Variants in SCHIP1 observed in about 807,000 individuals in gnomAD.
SCHIP1 encodes the protein schwannomin-interacting protein 1.
Under a neutral mutation model 29.7 loss-of-function variants are expected in SCHIP1, and 8 were observed. The observed-to-expected ratio is 0.27, with a 90% CI of 0.16 to 0.49. SCHIP1 has a LOEUF of 0.49. Ranked by LOEUF, SCHIP1 falls within the 20% of genes least tolerant of loss-of-function variation. SCHIP1 has a pLI of 0.99. For missense variants in SCHIP1, 193 were observed against 294.6 expected (o/e 0.66, Z 2.52); for synonymous variants, 76 against 94.9 (o/e 0.80, Z 1.16).
the SCHIP1 span, among the ~76,000 whole-genome samples, chr3:159,749,850 T>C: frequency 6.6e-6 from 1 of 152,354 alleles, no homozygotes; most frequent in South Asian, 2.1e-4. Context: ...GAACGTATTA[T>C]AGTATAATAA....
chr3:159,745,501 ATC>A, the SCHIP1 span, among the ~76,000 whole-genome samples: 1 of 152,220 alleles, frequency 6.6e-6, no homozygotes, highest in Admixed American at 6.5e-5. Context: ...AGTAATTGGA[ATC>A]TCTTTTAAAT....
chr3:159,371,685 G>A, the SCHIP1 span, among the ~76,000 whole-genome samples: 1 of 152,190 alleles, frequency 6.6e-6, no homozygotes, highest in Non-Finnish European at 1.5e-5. Flanking sequence ...TGAGGACTCT[G>A]ATATAAAATG....
the SCHIP1 span, among the ~76,000 whole-genome samples, chr3:159,587,733 C>A: frequency 6.6e-6 from 1 of 151,978 alleles, no homozygotes; most frequent in African/African-American, 2.4e-5. Context: ...GGTTTTTTGT[C>A]CCTGTGTTAG....
the SCHIP1 span, among the ~76,000 whole-genome samples, chr3:159,493,770 A>C: frequency 1.3e-5 from 2 of 151,922 alleles, no homozygotes; most frequent in Non-Finnish European, 2.9e-5. Flanking sequence ...CATCCACAGA[A>C]CTCTCCACCC....
the SCHIP1 span, among the ~76,000 whole-genome samples, chr3:159,484,869 C>T: frequency 9.2e-5 from 14 of 152,158 alleles, no homozygotes; most frequent in Non-Finnish European, 1.8e-4. Flanking sequence ...CATTAATTTC[C>T]AAGCTGGGTT....
the SCHIP1 span, among the ~76,000 whole-genome samples, chr3:159,601,239 G>T: frequency 6.6e-6 from 1 of 152,186 alleles, no homozygotes; most frequent in Non-Finnish European, 1.5e-5. Flanking sequence ...CAGTAGCAGT[G>T]GTGGGACTAC....
chr3:159,758,662 A>T, the SCHIP1 span, among the ~76,000 whole-genome samples: 1 of 152,228 alleles, frequency 6.6e-6, no homozygotes, highest in East Asian at 1.9e-4. Context: ...TCTTGCAGAG[A>T]TTCTGTGTAC....
chr3:159,457,788 GA>G, the SCHIP1 span, among the ~76,000 whole-genome samples: 1 of 152,040 alleles, frequency 6.6e-6, no homozygotes, highest in Non-Finnish European at 1.5e-5. Context: ...GTTGAATTTA[GA>G]AATTAGGCAC....
At chr3:159,368,220 A>T in the SCHIP1 span, among the ~76,000 whole-genome samples, 2 of 152,128 alleles carry the variant, frequency 1.3e-5, no homozygotes, top group Non-Finnish European at 2.9e-5. Flanking sequence ...TGGACTCCCA[A>T]TTACTGGCTT....
At chr3:159,798,353 A>T in the SCHIP1 span, among the ~76,000 whole-genome samples, 1 of 152,214 alleles carries the variant, frequency 6.6e-6, no homozygotes, top group African/African-American at 2.4e-5. Flanking sequence ...TTAATTTCAC[A>T]GGCTTTTTAG....
the SCHIP1 span, among the ~76,000 whole-genome samples, chr3:159,767,442 A>G: frequency 6.6e-6 from 1 of 152,236 alleles, no homozygotes; most frequent in Admixed American, 6.5e-5. Context: ...AAGGGAATTT[A>G]TGACCATGAG....
Position 159,879,414 on chromosome 3 carries a change from C to T in SCHIP1, c.150-6793C>T, listed in dbSNP as rs571017573. Reference sequence around the variant, plus strand: ...ATTTAACCTCTCTGAGCCGTTTTCTCATATGTGAAACAGGGTTCACAGTGC... The same window carrying T: ...ATTTAACCTCTCTGAGCCGTTTTCTTATATGTGAAACAGGGTTCACAGTGC... On this transcript the variant is annotated intron_variant, in intron 2 of 6. Transcript: ENST00000445224. Among the ~76,000 whole-genome samples the T allele has an allele frequency of 2.6e-5, 4 of 152,228 alleles. No homozygotes were observed. The East Asian group carries it at 7.7e-4, about 29-fold the overall frequency.
chr3:159,761,376 C>T, the SCHIP1 span, among the ~76,000 whole-genome samples: 1 of 152,186 alleles, frequency 6.6e-6, no homozygotes, highest in South Asian at 2.1e-4. Context: ...AGGTGCTTAT[C>T]CCACACTTCT....
chr3:159,640,684 C>G, the SCHIP1 span, among the ~76,000 whole-genome samples: 1 of 152,136 alleles, frequency 6.6e-6, no homozygotes, highest in African/African-American at 2.4e-5. Flanking sequence ...TGAGAAGGCA[C>G]AGCGTCACAA....
At chr3:159,295,279 A>AAAAAC in the SCHIP1 span, among the ~76,000 whole-genome samples, 1 of 144,328 alleles carries the variant, frequency 6.9e-6, no homozygotes, top group African/African-American at 2.6e-5. Flanking sequence ...AAAAAAAACA[A>AAAAAC]CTAGCCAGGC....
chr3:159,623,854 C>T, the SCHIP1 span, among the ~76,000 whole-genome samples: 1 of 152,126 alleles, frequency 6.6e-6, no homozygotes, highest in Non-Finnish European at 1.5e-5. Context: ...TTTGCCCATA[C>T]CCCACGTTTT....
chr3:159,654,163 C>T, the SCHIP1 span, among the ~76,000 whole-genome samples: 1 of 152,144 alleles, frequency 6.6e-6, no homozygotes, highest in Non-Finnish European at 1.5e-5. Context: ...CCTAGTCCAG[C>T]TTCCTCCAAG....
chr3:159,518,504 G>A, the SCHIP1 span, among the ~76,000 whole-genome samples: 16 of 152,056 alleles, frequency 1.1e-4, no homozygotes, highest in South Asian at 2.1e-4. Flanking sequence ...TGGAAAACTC[G>A]TAGACTTATG....
the SCHIP1 span, among the ~76,000 whole-genome samples, chr3:159,352,011 T>C: frequency 1.3e-5 from 2 of 152,206 alleles, no homozygotes; most frequent in South Asian, 4.1e-4. Flanking sequence ...ATTTTTAAAA[T>C]TCTTACTGTA....
Sources: gnomAD v4.1 joint callset for allele counts (sites outside exome capture counted in the v4.1 genomes callset) on GRCh38, gnomAD v4.1.1 for gene constraint, MANE v1.5 for transcripts, NCBI Gene and HGNC (gene_info 2026-07-23, HGNC 2026-07-21) for gene names.